The following KIAA1671 variants were observed in gnomAD, a reference collection of about 807,000 sequenced individuals.
KIAA1671 encodes the protein KIAA1671.
In KIAA1671, 52 loss-of-function variants were observed where a neutral mutation model predicts 131.2. The observed-to-expected ratio is 0.40, with a 90% CI of 0.32 to 0.50. The LOEUF (loss-of-function observed/expected upper bound fraction) is 0.50. Among genes scored for constraint, KIAA1671 ranks in the 20% least tolerant of loss-of-function variants. KIAA1671 has a pLI of 0.73. For synonymous variants in KIAA1671, 1,003 were observed against 961.6 expected (o/e 1.04, Z -0.80); for missense variants, 2,360 against 2,364.2 (o/e 1.00, Z 0.04).
intron 6 of KIAA1671, among the ~76,000 whole-genome samples, chr22:25,066,675 G>T (rs1476333677): frequency 6.6e-6 from 1 of 152,196 alleles, no homozygotes; most frequent in African/African-American, 2.4e-5. Flanking sequence ...TCCAAATATG[G>T]TCGCATTTGC....
At chr22:24,967,238 G>A (rs1252864149) in intron 1 of KIAA1671, among the ~76,000 whole-genome samples, 1 of 152,216 alleles carries the variant, frequency 6.6e-6, no homozygotes, top group Non-Finnish European at 1.5e-5. Context: ...GGGAGGTACT[G>A]TTAGGTGCCT....
intron 6 of KIAA1671, among the ~76,000 whole-genome samples, chr22:25,149,976 C>T (rs961105820): frequency 6.6e-6 from 1 of 152,184 alleles, no homozygotes; most frequent in Admixed American, 6.5e-5. Context: ...ACTCCAGCCT[C>T]GGCCTTTGCG....
At chr22:25,043,050 A>G (rs1437027181) in intron 5 of KIAA1671, among the ~76,000 whole-genome samples, 1 of 141,744 alleles carries the variant, frequency 7.1e-6, no homozygotes, top group Non-Finnish European at 1.5e-5. Flanking sequence ...GAAGAAAGAA[A>G]ATCTGGCTTC....
chr22:25,068,932 A>G (rs1391527144), intron 6 of KIAA1671, among the ~76,000 whole-genome samples: 2 of 152,204 alleles, frequency 1.3e-5, no homozygotes, highest in Non-Finnish European at 2.9e-5. Flanking sequence ...CCCCCGCCTC[A>G]GTTTTCCCCT....
chr22:24,985,051 C>G (rs1223547736), intron 1 of KIAA1671, among the ~76,000 whole-genome samples: 3 of 151,896 alleles, frequency 2.0e-5, no homozygotes, highest in Non-Finnish European at 2.9e-5. Flanking sequence ...TCCAACTGTT[C>G]CAGAAGCACG....
chr22:25,112,437 A>G (rs1331797744), intron 6 of KIAA1671: 5 of 398,998 alleles, frequency 1.3e-5, no homozygotes, highest in African/African-American at 4.1e-5. Context: ...AGGAAAAGGC[A>G]TACAGATTCG....
intron 6 of KIAA1671, among the ~76,000 whole-genome samples, chr22:25,096,094 G>A (rs965526090): frequency 1.3e-5 from 2 of 152,182 alleles, no homozygotes; most frequent in African/African-American, 4.8e-5. Flanking sequence ...GATGAGTCGG[G>A]GAGAAAAAGC....
At chr22:25,031,618 C>T (rs1189267559) in intron 3 of KIAA1671, among the ~76,000 whole-genome samples, 5 of 152,330 alleles carry the variant, frequency 3.3e-5, no homozygotes, top group Non-Finnish European at 4.4e-5. Context: ...GCATGAGCCA[C>T]GGCACCCGGC....
chr22:25,049,375 C>A lies in KIAA1671; in HGVS notation c.4530+11C>A. On this transcript the variant is annotated intron_variant, in intron 6 of 12. Transcript: ENST00000358431. Reference sequence around the variant, plus strand: ...AGTGGGCCCTTTGTGGTGAGTGATGCAACATGGCTGGAGAGGATTGCACAG... The same window carrying A: ...AGTGGGCCCTTTGTGGTGAGTGATGAAACATGGCTGGAGAGGATTGCACAG... The A allele has an allele frequency of 6.5e-7, 1 of 1,547,028 alleles. No individual in the cohort carries two copies. The highest frequency in any genetic ancestry group is 8.7e-7 in the Non-Finnish European group (1 of 1,143,262).
chr22:25,096,286 G>C (rs1203946933), intron 6 of KIAA1671, among the ~76,000 whole-genome samples: 1 of 152,234 alleles, frequency 6.6e-6, no homozygotes, highest in Non-Finnish European at 1.5e-5. Flanking sequence ...TCGCCCCACT[G>C]GGGTCAGGGT....
At chr22:25,152,890 C>G (rs1933097508) in intron 6 of KIAA1671, among the ~76,000 whole-genome samples, 1 of 152,104 alleles carries the variant, frequency 6.6e-6, no homozygotes, top group Non-Finnish European at 1.5e-5. Flanking sequence ...TAGGTGTGAG[C>G]CACCATGCCT....
intron 6 of KIAA1671, among the ~76,000 whole-genome samples, chr22:25,137,567 A>C (rs954786037): frequency 2.6e-5 from 4 of 152,274 alleles, no homozygotes; most frequent in African/African-American, 7.2e-5. Context: ...TGTTTCTTAA[A>C]GAGGCACTTT....
At chr22:25,163,357 T>TTTC (rs1933518768) in intron 6 of KIAA1671, among the ~76,000 whole-genome samples, 1 of 146,212 alleles carries the variant, frequency 6.8e-6, no homozygotes, top group African/African-American at 2.5e-5. Context: ...TTTTTTTTTT[T>TTTC]TTTTTTTACA....
intron 6 of KIAA1671, among the ~76,000 whole-genome samples, chr22:25,071,211 A>G (rs535641689): frequency 6.6e-6 from 1 of 152,362 alleles, no homozygotes; most frequent in South Asian, 2.1e-4. Context: ...AGAGTTTTCC[A>G]GAATATTTGC....
chr22:25,157,023 C>CA (rs1568984858), intron 6 of KIAA1671, among the ~76,000 whole-genome samples: 1 of 151,970 alleles, frequency 6.6e-6, no homozygotes, highest in Non-Finnish European at 1.5e-5. Flanking sequence ...TGTGATGTTT[C>CA]AAAAAAAGAA....
chr22:25,094,183 T>G (rs952096277), intron 6 of KIAA1671, among the ~76,000 whole-genome samples: 19 of 152,086 alleles, frequency 1.2e-4, no homozygotes, highest in Non-Finnish European at 2.4e-4. Flanking sequence ...GTTGCCTTCT[T>G]GAGACTTGGG....
At chr22:25,018,816 T>TCC (rs1925488510) in intron 1 of KIAA1671, among the ~76,000 whole-genome samples, 1 of 152,202 alleles carries the variant, frequency 6.6e-6, no homozygotes, top group Non-Finnish European at 1.5e-5. Flanking sequence ...TTGATGGACA[T>TCC]TTAATTGTTT....
intron 6 of KIAA1671, among the ~76,000 whole-genome samples, chr22:25,097,388 G>T (rs527924498): frequency 2.6e-5 from 4 of 152,318 alleles, no homozygotes; most frequent in Admixed American, 2.6e-4. Flanking sequence ...TCACCAGCTG[G>T]TATTAGTATG....
intron 6 of KIAA1671, among the ~76,000 whole-genome samples, chr22:25,129,128 G>A (rs1213164908): frequency 6.6e-6 from 1 of 151,786 alleles, no homozygotes; most frequent in Non-Finnish European, 1.5e-5. Context: ...TCTCTCCCAA[G>A]CATGGAGTGC....
Sources: gnomAD v4.1 joint callset for allele counts (sites outside exome capture counted in the v4.1 genomes callset) on GRCh38, gnomAD v4.1.1 for gene constraint, MANE v1.5 for transcripts, NCBI Gene and HGNC (gene_info 2026-07-23, HGNC 2026-07-21) for gene names.